Variants in TMEM177 observed in about 807,000 individuals in gnomAD.
The protein encoded by TMEM177 is transmembrane protein 177.
In TMEM177, 4 loss-of-function variants were observed where a neutral mutation model predicts 14.2. That is an observed-to-expected ratio of 0.28 (90% CI 0.14 to 0.64). The LOEUF (loss-of-function observed/expected upper bound fraction) is 0.64, where lower values mean the gene tolerates loss of function less well. Among genes scored for constraint, TMEM177 ranks in the 30% least tolerant of loss-of-function variants. TMEM177 has a pLI of 0.82. For missense variants in TMEM177, 344 were observed against 405.2 expected (o/e 0.85, Z 1.30); for synonymous variants, 179 against 174.5 (o/e 1.03, Z -0.20).
At chr2:119,705,218 A>C in the TMEM177 span, among the ~76,000 whole-genome samples, 1 of 152,224 alleles carries the variant, frequency 6.6e-6, no homozygotes, top group East Asian at 1.9e-4. Flanking sequence ...CCACAAACCT[A>C]GTGGCTTATT....
the TMEM177 span, among the ~76,000 whole-genome samples, chr2:119,693,391 C>T: frequency 2.0e-5 from 3 of 152,194 alleles, no homozygotes; most frequent in Non-Finnish European, 4.4e-5. Flanking sequence ...GGCCAGAGGC[C>T]TCATTGCTAA....
chr2:119,681,551 GC>G lies in TMEM177; in HGVS notation c.700del (p.Arg234AlafsTer120). 6.2e-7 allele frequency: 1 copy of G among 1,614,118 alleles called. No homozygotes were observed. Among genetic ancestry groups the G allele is most frequent in the Non-Finnish European group, 8.5e-7 (1 of 1,180,004 alleles). On this transcript the variant is annotated frameshift_variant, in exon 2 of 2. Transcript: ENST00000272521. LOFTEE classifies it high-confidence loss of function. ...CATGCCGTGGAGTCCTGGCTGGACC[GC>G]CGCACGGCCTCCCTCTCTGCAGCCT... ...LTHAVESWLD[R>X]RTASLSAAYA...
At chr2:119,694,184 CCA>C in the TMEM177 span, among the ~76,000 whole-genome samples, 19 of 145,570 alleles carry the variant, frequency 1.3e-4, no homozygotes, top group East Asian at 4.1e-4. Context: ...CACAAACACA[CCA>C]CACACAACAT....
chr2:119,684,852 A>G (rs12711933), downstream of TMEM177, among the ~76,000 whole-genome samples: 149,607 of 152,256 alleles, frequency 0.98, 73,550 homozygotes, highest in East Asian at 1. Flanking sequence ...GGCTTTAGGA[A>G]GATTTTTTTA....
the TMEM177 span, among the ~76,000 whole-genome samples, chr2:119,715,028 C>T: frequency 7.8e-4 from 119 of 152,246 alleles, no homozygotes; most frequent in African/African-American, 2.7e-3. Flanking sequence ...ACTTGAGCTC[C>T]CATTGTCATG....
downstream of TMEM177, chr2:119,686,496 C>T (rs1328916336): frequency 1.3e-5 from 2 of 152,312 alleles, no homozygotes; most frequent in Admixed American, 6.5e-5. Flanking sequence ...GCAGAGGACA[C>T]ATGTGGCCTT....
the TMEM177 span, among the ~76,000 whole-genome samples, chr2:119,699,416 A>G: frequency 0.021 from 3,166 of 152,288 alleles, 44 homozygotes; most frequent in Non-Finnish European, 0.032. Flanking sequence ...TCCTTAGTTC[A>G]GCTAAAGACA....
the TMEM177 span, among the ~76,000 whole-genome samples, chr2:119,703,475 C>T: frequency 1.3e-5 from 2 of 152,184 alleles, no homozygotes; most frequent in Non-Finnish European, 2.9e-5. Context: ...AATGTCCCTT[C>T]ATACTACTAC....
downstream of TMEM177, among the ~76,000 whole-genome samples, chr2:119,683,431 C>G (rs1164499439): frequency 1.3e-5 from 2 of 152,190 alleles, no homozygotes; most frequent in Admixed American, 1.3e-4. Flanking sequence ...TGCTGCTGTA[C>G]TTAAAGGGCC....
At chr2:119,685,852 G>T (rs1689005066), downstream of TMEM177, 5 of 604,410 alleles carry the variant, frequency 8.3e-6, no homozygotes, top group East Asian at 2.9e-5. Context: ...TTTTCCTCAT[G>T]CTGGGTTAGA....
the TMEM177 span, among the ~76,000 whole-genome samples, chr2:119,698,022 G>A: frequency 2.6e-5 from 4 of 152,146 alleles, no homozygotes; most frequent in Non-Finnish European, 5.9e-5. Context: ...GCAGACAATA[G>A]CCTGGGATGA....
chr2:119,688,720 T>C (rs112121216), downstream of TMEM177, among the ~76,000 whole-genome samples: 5,362 of 152,234 alleles, frequency 0.035, 318 homozygotes, highest in African/African-American at 0.12. Flanking sequence ...CTCCACCCTC[T>C]CCCTGCATCA....
chr2:119,696,657 A>C, the TMEM177 span, among the ~76,000 whole-genome samples: 1 of 152,292 alleles, frequency 6.6e-6, no homozygotes, highest in Admixed American at 6.5e-5. Flanking sequence ...TGCATTTCTC[A>C]ACAGTGTGGC....
At chr2:119,714,950 G>T in the TMEM177 span, among the ~76,000 whole-genome samples, 1 of 152,218 alleles carries the variant, frequency 6.6e-6, no homozygotes, top group Non-Finnish European at 1.5e-5. Context: ...GCAGAGAGCA[G>T]ACAGGAAGTG....
Position 119,682,114 on chromosome 2 carries a change from T to A in TMEM177, c.*325T>A. 1 of 222,844 alleles carries A rather than the reference T, an allele frequency of 4.5e-6. No individual in the cohort carries two copies. The highest frequency in any genetic ancestry group is 1.0e-4 in the East Asian group (1 of 9,566). 13.8% of individuals were successfully genotyped at this position (222,844 alleles called of 1,614,324 possible). ...TGCACTGTAAATAAACAGACATCCC[T>A]CCTTCTTGGTCGTTTTTTTTTTTTT... On this transcript the variant is annotated 3_prime_UTR_variant, in exon 2 of 2. Transcript: ENST00000272521.
At chr2:119,700,533 A>G in the TMEM177 span, among the ~76,000 whole-genome samples, 3 of 152,212 alleles carry the variant, frequency 2.0e-5, no homozygotes, top group African/African-American at 4.8e-5. Context: ...CAATGGGGAG[A>G]TTGTCTGCTT....
chr2:119,693,732 G>A, the TMEM177 span, among the ~76,000 whole-genome samples: 23 of 152,128 alleles, frequency 1.5e-4, no homozygotes, highest in African/African-American at 5.5e-4. Flanking sequence ...TGAAGCAAAG[G>A]GCTCCTGTGG....
At chr2:119,704,266 A>G in the TMEM177 span, among the ~76,000 whole-genome samples, 1 of 152,190 alleles carries the variant, frequency 6.6e-6, no homozygotes, top group Admixed American at 6.5e-5. Flanking sequence ...AGTTACTACC[A>G]GATTGTATTT....
chr2:119,680,593 T>C (rs886394567), intron 1 of TMEM177, among the ~76,000 whole-genome samples: 5 of 152,202 alleles, frequency 3.3e-5, no homozygotes, highest in Admixed American at 1.3e-4. Flanking sequence ...TGTTTATTCA[T>C]GTGCTCATCA....
Sources: allele counts gnomAD v4.1 joint callset (sites outside exome capture counted in the v4.1 genomes callset), GRCh38; gene constraint gnomAD v4.1.1; transcripts MANE v1.5; gene names NCBI Gene and HGNC (gene_info 2026-07-23, HGNC 2026-07-21).